Variants in NRXN1 observed in about 807,000 individuals in gnomAD.
NRXN1 encodes neurexin 1, also known as neurexin-1.
In NRXN1, 39 loss-of-function variants were observed where a neutral mutation model predicts 150.9. The ratio of observed to expected loss-of-function variants is 0.26; its 90% confidence interval spans 0.20 to 0.34. The LOEUF (loss-of-function observed/expected upper bound fraction) is 0.34, where lower values mean the gene tolerates loss of function less well. Ranked by LOEUF, NRXN1 falls within the 10% of genes least tolerant of loss-of-function variation. The probability of loss-of-function intolerance (pLI) is 1.00; values close to 1 mark genes in which losing one functional copy is unlikely to be tolerated. For synonymous variants in NRXN1, 924 were observed against 757.0 expected (o/e 1.22, Z -3.62); for missense variants, 1,815 against 1,949.9 (o/e 0.93, Z 1.30).
intron 8 of NRXN1, among the ~76,000 whole-genome samples, chr2:50,558,517 A>G (rs996802105): frequency 6.6e-5 from 10 of 152,188 alleles, no homozygotes; most frequent in Non-Finnish European, 1.3e-4. Flanking sequence ...ATCAAATGTC[A>G]CAAGTAAGTA....
intron 5 of NRXN1, among the ~76,000 whole-genome samples, chr2:50,878,893 T>A (rs779197382): frequency 6.6e-6 from 1 of 152,008 alleles, no homozygotes; most frequent in Non-Finnish European, 1.5e-5. Context: ...TTAACAGTAC[T>A]ATTAATACAA....
chr2:50,263,249 C>T (rs922413732), intron 17 of NRXN1, among the ~76,000 whole-genome samples: 5 of 151,716 alleles, frequency 3.3e-5, no homozygotes. Flanking sequence ...GCAGGAGGAA[C>T]ACATAGGTGT....
chr2:50,764,693 G>A (rs892079413), intron 5 of NRXN1, among the ~76,000 whole-genome samples: 10 of 151,940 alleles, frequency 6.6e-5, no homozygotes, highest in East Asian at 1.9e-4. Flanking sequence ...CACAGACAGA[G>A]AGATTATGAC....
chr2:50,808,359 A>G (rs538968579), intron 5 of NRXN1, among the ~76,000 whole-genome samples: 12 of 152,256 alleles, frequency 7.9e-5, no homozygotes, highest in African/African-American at 2.4e-4. Context: ...AAAGGCTAAT[A>G]TATTTCAATA....
rs1223398193 is a variant in NRXN1, at chr2:50,620,010, A to T, written c.1320+12T>A. ...ATGAATTAGGAATGATTCTGATGGC[A>T]ACGATATTTACCTCTTTGAGACAGC... On this transcript the variant is annotated intron_variant, in intron 8 of 22. Coordinates refer to ENST00000401669, the MANE Select transcript of NRXN1 (RefSeq NM_001330078.2). 6.4e-7 allele frequency: 1 copy of T among 1,560,324 alleles called. No homozygotes were observed. The highest frequency in any genetic ancestry group is 8.7e-7 in the Non-Finnish European group (1 of 1,150,754).
At chr2:50,940,690 T>G (rs978194916) in intron 2 of NRXN1, among the ~76,000 whole-genome samples, 2 of 152,270 alleles carry the variant, frequency 1.3e-5, no homozygotes, top group Non-Finnish European at 2.9e-5. Context: ...AAAGTTTTTG[T>G]TTTTTGTTTT....
intron 8 of NRXN1, among the ~76,000 whole-genome samples, chr2:50,572,589 C>T (rs925725767): frequency 3.3e-5 from 5 of 152,072 alleles, no homozygotes; most frequent in African/African-American, 1.2e-4. Context: ...CTGATGTAGG[C>T]TTTTTCTATC....
intron 8 of NRXN1, among the ~76,000 whole-genome samples, chr2:50,570,998 G>A (rs1007836704): frequency 6.6e-6 from 1 of 152,040 alleles, no homozygotes. Context: ...TTTTGACCAA[G>A]CCACAAGAAA....
chr2:50,435,351 T>C (rs1396504427), intron 17 of NRXN1, among the ~76,000 whole-genome samples: 4 of 152,182 alleles, frequency 2.6e-5, no homozygotes, highest in Non-Finnish European at 5.9e-5. Context: ...CTATAAAATA[T>C]ATATAATTAA....
At chr2:50,642,542 C>T (rs1252659603) in intron 5 of NRXN1, among the ~76,000 whole-genome samples, 1 of 151,670 alleles carries the variant, frequency 6.6e-6, no homozygotes, top group Non-Finnish European at 1.5e-5. Context: ...TGTTTCAGGC[C>T]AGCTTGTAAA....
chr2:50,095,239 G>T (rs1424813217), intron 18 of NRXN1, among the ~76,000 whole-genome samples: 1 of 152,154 alleles, frequency 6.6e-6, no homozygotes, highest in African/African-American at 2.4e-5. Context: ...CTATCCAAGA[G>T]GGAGCAAAGC....
At chr2:50,089,302 G>A (rs1198390712) in intron 19 of NRXN1, among the ~76,000 whole-genome samples, 1 of 152,122 alleles carries the variant, frequency 6.6e-6, no homozygotes, top group Non-Finnish European at 1.5e-5. Context: ...CATTTTGCAC[G>A]TTCAGGTCCA....
chr2:50,012,625 G>C lies in NRXN1; in HGVS notation c.4128+40646C>G, dbSNP rs57993798. ...CCAAGGAAACAGTCTTTGTCCTGGA[G>C]TCTCATATGGCTCTTGCCATAACAG... On this transcript the variant is annotated intron_variant, in intron 21 of 22. Coordinates refer to ENST00000401669, the MANE Select transcript of NRXN1 (RefSeq NM_001330078.2). Among the ~76,000 whole-genome samples, 190 of 152,142 alleles carry C rather than the reference G, an allele frequency of 1.2e-3. 2 individuals are homozygous for C. The highest frequency in any genetic ancestry group is 4.5e-3 in the African/African-American group (185 of 41,508).
intron 18 of NRXN1, among the ~76,000 whole-genome samples, chr2:50,190,253 G>GT (rs528758940): frequency 7.2e-5 from 11 of 152,182 alleles, no homozygotes; most frequent in East Asian, 3.9e-4. Context: ...ACTATGAAAA[G>GT]TTTTTTTCTA....
At chr2:50,232,012 T>C (rs879703799) in intron 18 of NRXN1, among the ~76,000 whole-genome samples, 3 of 152,168 alleles carry the variant, frequency 2.0e-5, no homozygotes, top group Non-Finnish European at 2.9e-5. Flanking sequence ...ATATTCTTTA[T>C]CTTAAAAATC....
intron 5 of NRXN1, among the ~76,000 whole-genome samples, chr2:50,870,085 T>C (rs937814987): frequency 2.0e-5 from 3 of 151,870 alleles, no homozygotes; most frequent in Non-Finnish European, 4.4e-5. Context: ...ATCATAATTT[T>C]GCCAATAGGT....
intron 5 of NRXN1, among the ~76,000 whole-genome samples, chr2:50,642,563 A>C (rs932913007): frequency 6.6e-6 from 1 of 152,028 alleles, no homozygotes; most frequent in Admixed American, 6.6e-5. Flanking sequence ...AAGTCCTTGA[A>C]AAAAGAAAAA....
chr2:50,739,657 T>C (rs571305123), intron 5 of NRXN1, among the ~76,000 whole-genome samples: 2 of 152,204 alleles, frequency 1.3e-5, no homozygotes, highest in African/African-American at 2.4e-5. Context: ...TTTAAATCAA[T>C]GTTTTATTTT....
chr2:50,109,586 G>A lies in NRXN1; in HGVS notation c.3547-18092C>T, dbSNP rs995431207. Reference sequence around the variant, plus strand: ...TATTAGACACTGACACGTTTTAAAGGATCCTTAAAAAAAAAAAGAAACAAA... The same window carrying A: ...TATTAGACACTGACACGTTTTAAAGAATCCTTAAAAAAAAAAAGAAACAAA... On this transcript the variant is annotated intron_variant, in intron 18 of 22. Transcript: ENST00000401669. 7.3e-5 allele frequency among the ~76,000 whole-genome samples: 11 copies of A among 150,316 alleles called. No individual in the cohort carries two copies. In the East Asian group the frequency reaches 1.9e-3, roughly 26 times the overall value.
Sources: allele counts gnomAD v4.1 joint callset (sites outside exome capture counted in the v4.1 genomes callset), GRCh38; gene constraint gnomAD v4.1.1; transcripts MANE v1.5; gene names NCBI Gene and HGNC (gene_info 2026-07-23, HGNC 2026-07-21).